SNTG1: variants seen among roughly 807,000 people sequenced by gnomAD.
SNTG1 encodes gamma-1-syntrophin.
Under a neutral mutation model 74.7 loss-of-function variants are expected in SNTG1, and 39 were observed. The observed-to-expected ratio is 0.52, with a 90% CI of 0.40 to 0.68. The LOEUF is 0.68. SNTG1 is among the 30% of genes least tolerant of loss of function. SNTG1 has a pLI of 0.00. For synonymous variants in SNTG1, 254 were observed against 217.1 expected (o/e 1.17, Z -1.49); for missense variants, 685 against 609.5 (o/e 1.12, Z -1.30).
chr8:50,442,469 CA>C (rs2093366552), intron 5 of SNTG1, among the ~76,000 whole-genome samples: 1 of 152,040 alleles, frequency 6.6e-6, no homozygotes, highest in Non-Finnish European at 1.5e-5. Flanking sequence ...CTCCTGCTCC[CA>C]GCCCTCCAGG....
intron 18 of SNTG1, among the ~76,000 whole-genome samples, chr8:50,755,201 C>G (rs769045325): frequency 6.6e-6 from 1 of 151,754 alleles, no homozygotes; most frequent in Non-Finnish European, 1.5e-5. Flanking sequence ...CAGTTATCTG[C>G]CATTATAGTA....
At chr8:50,171,032 A>C (rs2082787175) in intron 1 of SNTG1, among the ~76,000 whole-genome samples, 1 of 152,034 alleles carries the variant, frequency 6.6e-6, no homozygotes, top group Non-Finnish European at 1.5e-5. Flanking sequence ...AAATTGACTG[A>C]TTTGGGAGAT....
intron 13 of SNTG1, among the ~76,000 whole-genome samples, chr8:50,656,644 A>G (rs2095183343): frequency 6.6e-6 from 1 of 152,192 alleles, no homozygotes; most frequent in Admixed American, 6.6e-5. Context: ...AATATAATCC[A>G]TGGCAGGTTG....
chr8:50,589,828 A>G (rs1047917719), intron 12 of SNTG1, among the ~76,000 whole-genome samples: 5 of 152,296 alleles, frequency 3.3e-5, no homozygotes, highest in South Asian at 2.1e-4. Context: ...GAAGGCATAT[A>G]TGAGTAGGTT....
intron 2 of SNTG1, among the ~76,000 whole-genome samples, chr8:50,357,345 G>C (rs1433563680): frequency 6.6e-6 from 1 of 152,198 alleles, no homozygotes; most frequent in Admixed American, 6.5e-5. Context: ...AGTCCAACTG[G>C]ATGGAAACAA....
chr8:50,320,880 A>T (rs1421801663), intron 2 of SNTG1, among the ~76,000 whole-genome samples: 1 of 152,102 alleles, frequency 6.6e-6, no homozygotes, highest in Non-Finnish European at 1.5e-5. Context: ...GAGAACATAC[A>T]TGACATTATT....
At chr8:49,945,500 G>T (rs1459113056) in intron 1 of SNTG1, among the ~76,000 whole-genome samples, 1 of 152,152 alleles carries the variant, frequency 6.6e-6, no homozygotes, top group Admixed American at 6.5e-5. Context: ...CCCCAGTAAT[G>T]CTGCCTTATA....
intron 1 of SNTG1, among the ~76,000 whole-genome samples, chr8:49,947,670 T>C: frequency 6.6e-6 from 1 of 152,126 alleles, no homozygotes; most frequent in East Asian, 1.9e-4. Context: ...TTAATCTCCT[T>C]GAGAGTTGCC....
At chr8:50,216,533 C>T (rs2084799644) in intron 2 of SNTG1, among the ~76,000 whole-genome samples, 1 of 151,998 alleles carries the variant, frequency 6.6e-6, no homozygotes, top group Non-Finnish European at 1.5e-5. Context: ...CAGGTTGCTT[C>T]GAATCTATCA....
At chr8:50,578,549 C>T (rs2094589836) in intron 12 of SNTG1, among the ~76,000 whole-genome samples, 1 of 152,082 alleles carries the variant, frequency 6.6e-6, no homozygotes, top group Non-Finnish European at 1.5e-5. Flanking sequence ...ACCCATATCT[C>T]ATCTTGAATT....
chr8:50,368,735 C>T (rs2092189362), intron 2 of SNTG1, among the ~76,000 whole-genome samples: 1 of 152,196 alleles, frequency 6.6e-6, no homozygotes, highest in Non-Finnish European at 1.5e-5. Flanking sequence ...GGTTGTCCTA[C>T]ACCCTCCTTA....
chr8:49,929,406 G>T (rs1426012481), intron 1 of SNTG1, among the ~76,000 whole-genome samples: 1 of 152,238 alleles, frequency 6.6e-6, no homozygotes, highest in Non-Finnish European at 1.5e-5. Context: ...TGTAGAGCTT[G>T]TGCAGGCCAT....
intron 9 of SNTG1, among the ~76,000 whole-genome samples, chr8:50,522,444 A>G (rs1320169827): frequency 2.0e-5 from 3 of 152,136 alleles, no homozygotes; most frequent in African/African-American, 7.2e-5. Context: ...TAGATTCACC[A>G]TAATTGTTAA....
chr8:50,658,734 G>T (rs2095199610), intron 15 of SNTG1, 71 bp downstream of exon 15: 7 of 980,350 alleles, frequency 7.1e-6, no homozygotes. Context: ...CTCATAAGCA[G>T]CTCATGAAAA....
chr8:50,725,592 G>A lies in SNTG1; in HGVS notation c.1284+16614G>A, dbSNP rs148135357. 2.3e-3 allele frequency among the ~76,000 whole-genome samples: 356 copies of A among 152,236 alleles called. 2 individuals carry two copies. Among genetic ancestry groups the A allele is most frequent in the African/African-American group, 8.2e-3 (339 of 41,538 alleles). ...TCTTTCCTGTCCATATTTTAAGTAC[G>A]TGACACCTCTAATTTCCTCTGTTTT... On this transcript the variant is annotated intron_variant, in intron 17 of 18. Coordinates refer to ENST00000642720, the MANE Select transcript of SNTG1 (RefSeq NM_018967.5).
At chr8:50,245,051 G>T (rs1275193595) in intron 2 of SNTG1, among the ~76,000 whole-genome samples, 3 of 151,920 alleles carry the variant, frequency 2.0e-5, no homozygotes. Context: ...TTCTTGGTTG[G>T]ATCAGAGCAA....
rs982858324 is a variant in SNTG1, at chr8:50,793,104, A to T, written c.*275A>T. ...TCACCAAAAGTGGAGACAAAAGAAT[A>T]AATTATTTGAAGAAGTATGTAAATA... On this transcript the variant is annotated 3_prime_UTR_variant, in exon 19 of 19. Transcript: ENST00000642720. The T allele has an allele frequency of 5.5e-5, 15 of 274,156 alleles. No homozygotes were observed. Among genetic ancestry groups the T allele is most frequent in the Admixed American group, 3.2e-4 (6 of 19,030 alleles). The allele number at this position is 274,156 out of a possible 1,614,324, so 17.0% of individuals were successfully genotyped here.
chr8:50,251,207 C>G (rs2086632300), intron 2 of SNTG1, among the ~76,000 whole-genome samples: 1 of 151,878 alleles, frequency 6.6e-6, no homozygotes, highest in Admixed American at 6.6e-5. Context: ...CAAACACACA[C>G]ACAGACAAAA....
chr8:50,217,485 C>T (rs1428849713), intron 2 of SNTG1, among the ~76,000 whole-genome samples: 1 of 152,016 alleles, frequency 6.6e-6, no homozygotes, highest in African/African-American at 2.4e-5. Flanking sequence ...TATGTGCTGT[C>T]ATGTAATGTT....
Sources: gnomAD v4.1 joint callset for allele counts (sites outside exome capture counted in the v4.1 genomes callset) on GRCh38, gnomAD v4.1.1 for gene constraint, MANE v1.5 for transcripts, NCBI Gene and HGNC (gene_info 2026-07-23, HGNC 2026-07-21) for gene names.